Variants in GLIS3 observed in about 807,000 individuals in gnomAD.
The protein encoded by GLIS3 is zinc finger protein GLIS3.
A neutral mutation model predicts 78.6 loss-of-function variants in GLIS3; 53 were observed. That is an observed-to-expected ratio of 0.67 (90% CI 0.54 to 0.85). The LOEUF is 0.85. Among genes scored for constraint, GLIS3 ranks in the 40% least tolerant of loss-of-function variants. GLIS3 has a pLI of 0.00. For synonymous variants in GLIS3, 684 were observed against 509.9 expected, an observed-to-expected ratio of 1.34 and a Z score of -4.60; for missense variants, 1,703 against 1,231.1, an observed-to-expected ratio of 1.38 and a Z score of -5.74.
At chr9:4,046,079 C>G (rs1421598372) in intron 4 of GLIS3, among the ~76,000 whole-genome samples, 1 of 152,140 alleles carries the variant, frequency 6.6e-6, no homozygotes, top group Non-Finnish European at 1.5e-5. Flanking sequence ...TTTTTCCCTT[C>G]ATTTATATTG....
chr9:4,410,186 A>G, the GLIS3 span, among the ~76,000 whole-genome samples: 1 of 149,654 alleles, frequency 6.7e-6, no homozygotes, highest in Non-Finnish European at 1.5e-5. Context: ...CATGTTGGCC[A>G]GGCTGGTCTC....
intron 5 of GLIS3, 89 bp from the exon 6 acceptor site, chr9:3,932,559 C>T (rs1825685100): frequency 1.1e-6 from 1 of 935,102 alleles, no homozygotes; most frequent in Non-Finnish European, 1.8e-6. Context: ...GACTTCAGAG[C>T]ATGAACTGTT....
the GLIS3 span, among the ~76,000 whole-genome samples, chr9:4,485,360 G>C: frequency 3.3e-5 from 5 of 152,014 alleles, no homozygotes; most frequent in African/African-American, 1.2e-4. Flanking sequence ...GATTTCTGAG[G>C]ACTGGCTGAC....
chr9:4,115,443 G>C (rs541680606), intron 4 of GLIS3, among the ~76,000 whole-genome samples: 1 of 152,122 alleles, frequency 6.6e-6, no homozygotes. Flanking sequence ...CATTTTAATT[G>C]TAACAGTTGT....
chr9:4,424,200 T>A, the GLIS3 span, among the ~76,000 whole-genome samples: 1 of 152,222 alleles, frequency 6.6e-6, no homozygotes, highest in African/African-American at 2.4e-5. Context: ...GGAAGAACTT[T>A]GGACTTAAAA....
chr9:3,884,333 G>C (rs143646530), intron 7 of GLIS3, among the ~76,000 whole-genome samples: 1 of 152,136 alleles, frequency 6.6e-6, no homozygotes, highest in South Asian at 2.1e-4. Context: ...GCTACTATAG[G>C]CATTGCTTGG....
At chr9:4,410,270 C>T in the GLIS3 span, among the ~76,000 whole-genome samples, 366 of 152,176 alleles carry the variant, frequency 2.4e-3, 3 homozygotes, top group African/African-American at 8.2e-3. Context: ...AGCCACCACA[C>T]CCGGCCCTGA....
chr9:4,133,901 G>A (rs1407016741), intron 2 of GLIS3, among the ~76,000 whole-genome samples: 1 of 150,582 alleles, frequency 6.6e-6, no homozygotes, highest in Non-Finnish European at 1.5e-5. Context: ...GCCTGAACGG[G>A]ATCCAGGTTT....
At chr9:4,195,182 G>C (rs534487052) in intron 2 of GLIS3, among the ~76,000 whole-genome samples, 4 of 152,338 alleles carry the variant, frequency 2.6e-5, no homozygotes, top group Admixed American at 2.6e-4. Flanking sequence ...CCTCGGCCTC[G>C]GCGTCTGCTC....
intron 4 of GLIS3, among the ~76,000 whole-genome samples, chr9:4,090,418 G>C (rs1829398787): frequency 6.6e-6 from 1 of 151,198 alleles, no homozygotes; most frequent in Admixed American, 6.6e-5. Context: ...ATGTGACAAA[G>C]AATCTGTAGT....
At chr9:3,967,335 C>T (rs1001304623) in intron 4 of GLIS3, among the ~76,000 whole-genome samples, 1 of 152,094 alleles carries the variant, frequency 6.6e-6, no homozygotes, top group Non-Finnish European at 1.5e-5. Flanking sequence ...GAAACCCTGT[C>T]TCTACTAAAA....
intron 4 of GLIS3, among the ~76,000 whole-genome samples, chr9:4,014,804 C>T (rs1822307492): frequency 6.6e-6 from 1 of 152,176 alleles, no homozygotes; most frequent in African/African-American, 2.4e-5. Context: ...ACACTCACAC[C>T]TGGAGAGACT....
intron 4 of GLIS3, among the ~76,000 whole-genome samples, chr9:3,985,687 T>C (rs1819685290): frequency 6.6e-6 from 1 of 152,196 alleles, no homozygotes; most frequent in Non-Finnish European, 1.5e-5. Flanking sequence ...TTTCAAGTAA[T>C]AAAAAATTTT....
At chr9:3,954,479 A>G (rs1443855769) in intron 4 of GLIS3, among the ~76,000 whole-genome samples, 2 of 152,264 alleles carry the variant, frequency 1.3e-5, no homozygotes, top group African/African-American at 4.8e-5. Context: ...TGATTACAGA[A>G]AAGAACAGTT....
At chr9:3,928,073 T>A (rs545482891) in intron 6 of GLIS3, among the ~76,000 whole-genome samples, 11 of 152,318 alleles carry the variant, frequency 7.2e-5, no homozygotes, top group African/African-American at 2.6e-4. Flanking sequence ...CAACAATGAT[T>A]AAAGTACAGA....
intron 2 of GLIS3, among the ~76,000 whole-genome samples, chr9:4,191,178 TAAC>T (rs924275181): frequency 1.3e-5 from 2 of 150,156 alleles, no homozygotes; most frequent in African/African-American, 4.9e-5. Context: ...AATTCACACA[TAAC>T]AATATTAACT....
chr9:4,372,445 T>C, the GLIS3 span, among the ~76,000 whole-genome samples: 1 of 152,020 alleles, frequency 6.6e-6, no homozygotes, highest in Admixed American at 6.6e-5. Context: ...CCTGTAAGCA[T>C]GTCTTCAACA....
At chr9:4,023,738 G>C (rs1182415136) in intron 4 of GLIS3, among the ~76,000 whole-genome samples, 1 of 152,168 alleles carries the variant, frequency 6.6e-6, no homozygotes, top group African/African-American at 2.4e-5. Flanking sequence ...GCAGCTCTAG[G>C]TTTGCTCCCA....
chr9:4,038,976 A>G (rs979698280), intron 4 of GLIS3, among the ~76,000 whole-genome samples: 1 of 152,154 alleles, frequency 6.6e-6, no homozygotes, highest in Non-Finnish European at 1.5e-5. Flanking sequence ...TTCTCTCACT[A>G]TGAACCGTTG....
Sources: gnomAD v4.1 joint callset for allele counts (sites outside exome capture counted in the v4.1 genomes callset) on GRCh38, gnomAD v4.1.1 for gene constraint, MANE v1.5 for transcripts, NCBI Gene and HGNC (gene_info 2026-07-23, HGNC 2026-07-21) for gene names.